Variants in DTNB observed in about 807,000 individuals in gnomAD.
The protein encoded by DTNB is dystrobrevin beta.
DTNB carries 63 observed loss-of-function variants against 90.7 expected under a neutral mutation model. The observed-to-expected ratio is 0.69, with a 90% CI of 0.57 to 0.86. The LOEUF is 0.86. Among genes scored for constraint, DTNB ranks in the 40% least tolerant of loss-of-function variants. DTNB has a pLI of 0.00. For synonymous variants in DTNB, 277 were observed against 286.7 expected, an observed-to-expected ratio of 0.97 and a Z score of 0.34; for missense variants, 744 against 807.1, an observed-to-expected ratio of 0.92 and a Z score of 0.95.
chr2:25,570,403 T>C (rs2059662824), intron 8 of DTNB, among the ~76,000 whole-genome samples: 1 of 80,788 alleles, frequency 1.2e-5, no homozygotes, highest in Non-Finnish European at 2.1e-5. Flanking sequence ...TGGTTTCCTG[T>C]CTCAAAAAAA....
rs568603490 is a variant in DTNB at position 25,476,418 on chromosome 2, T to TATA, written c.1079+6375_1079+6377dup. ...ATGTAAGAAATACATTTTGTAAGAC[T>TATA]ATAGCTGCCATAGATAGAGTGGTTC... On this transcript the variant is annotated intron_variant, in intron 10 of 20. Coordinates refer to ENST00000406818, the MANE Select transcript of DTNB (RefSeq NM_021907.5). 3.7e-3 allele frequency among the ~76,000 whole-genome samples: 567 copies of TATA among 152,358 alleles called. 2 individuals are homozygous for TATA. The highest frequency in any genetic ancestry group is 6.3e-3 in the Non-Finnish European group (428 of 68,040).
At chr2:25,529,039 G>A (rs545377462) in intron 9 of DTNB, among the ~76,000 whole-genome samples, 2 of 152,254 alleles carry the variant, frequency 1.3e-5, no homozygotes, top group East Asian at 1.9e-4. Flanking sequence ...TCAATAAGAT[G>A]AGTCTAAACT....
intron 16 of DTNB, among the ~76,000 whole-genome samples, chr2:25,403,326 G>C (rs1250158774): frequency 2.0e-5 from 3 of 152,312 alleles, no homozygotes; most frequent in Admixed American, 6.5e-5. Context: ...ATGTTGGCCA[G>C]GGTGGTCTCG....
At chr2:25,667,246 T>C (rs1559448417) in intron 1 of DTNB, among the ~76,000 whole-genome samples, 1 of 152,068 alleles carries the variant, frequency 6.6e-6, no homozygotes, top group Non-Finnish European at 1.5e-5. Context: ...CCCAACACTT[T>C]GGGAGGCTGT....
chr2:25,634,536 A>G (rs376667347), intron 3 of DTNB, among the ~76,000 whole-genome samples: 2,257 of 85,800 alleles, frequency 0.026, 2 homozygotes, highest in East Asian at 0.084. Context: ...CTGCCCGGCC[A>G]CCACCCCGTC....
At chr2:25,524,960 C>G (rs533556461) in intron 9 of DTNB, among the ~76,000 whole-genome samples, 1 of 152,164 alleles carries the variant, frequency 6.6e-6, no homozygotes, top group Non-Finnish European at 1.5e-5. Flanking sequence ...TCCTACCTTA[C>G]AGGATTTCTC....
intron 3 of DTNB, among the ~76,000 whole-genome samples, chr2:25,631,386 C>A (rs1187906684): frequency 7.9e-5 from 12 of 151,982 alleles, no homozygotes; most frequent in Non-Finnish European, 1.6e-4. Flanking sequence ...GCCTGGAGAA[C>A]ATAGTGGAAT....
intron 16 of DTNB, among the ~76,000 whole-genome samples, chr2:25,413,650 T>C (rs2047171085): frequency 6.6e-6 from 1 of 152,208 alleles, no homozygotes; most frequent in Admixed American, 6.5e-5. Flanking sequence ...CACATTTTCT[T>C]AATCCAGTCT....
At chr2:25,528,584 A>G (rs897452584) in intron 9 of DTNB, among the ~76,000 whole-genome samples, 11 of 152,252 alleles carry the variant, frequency 7.2e-5, no homozygotes, top group Admixed American at 3.3e-4. Flanking sequence ...CAAGATAACT[A>G]CATAGACAGT....
intron 5 of DTNB, among the ~76,000 whole-genome samples, chr2:25,599,949 T>A (rs561868639): frequency 1.3e-3 from 177 of 141,066 alleles, no homozygotes; most frequent in African/African-American, 4.5e-3. Flanking sequence ...ATAAAAAAAA[T>A]TAGCTAGGCA....
intron 5 of DTNB, chr2:25,598,763 T>TA (rs1194494441): frequency 6.6e-6 from 1 of 151,856 alleles, no homozygotes; most frequent in African/African-American, 2.4e-5. Flanking sequence ...AAGAGTAGGA[T>TA]AAAAGTCTAT....
chr2:25,585,283 CATCTT>C (rs2062179255), intron 6 of DTNB, among the ~76,000 whole-genome samples: 1 of 152,090 alleles, frequency 6.6e-6, no homozygotes, highest in Non-Finnish European at 1.5e-5. Context: ...TTCTATTAAA[CATCTT>C]GTTTTGTACA....
At chr2:25,417,773 A>G (rs777236230) in intron 16 of DTNB, among the ~76,000 whole-genome samples, 4 of 152,236 alleles carry the variant, frequency 2.6e-5, no homozygotes, top group Non-Finnish European at 2.9e-5. Context: ...GGAATACTTC[A>G]TAACAAGGGG....
chr2:25,669,363 AT>A (rs1405499985), intron 1 of DTNB, among the ~76,000 whole-genome samples: 5 of 152,228 alleles, frequency 3.3e-5, no homozygotes, highest in Non-Finnish European at 5.9e-5. Flanking sequence ...TCATTATACC[AT>A]ACATAGAAAT....
chr2:25,643,096 ACAGTACTACC>A (rs1378099203), intron 2 of DTNB, among the ~76,000 whole-genome samples: 2 of 152,090 alleles, frequency 1.3e-5, no homozygotes, highest in Non-Finnish European at 2.9e-5. Context: ...GAAACACAAC[ACAGTACTACC>A]CAGCTCAACT....
intron 9 of DTNB, among the ~76,000 whole-genome samples, chr2:25,530,816 A>C (rs565200457): frequency 2.6e-5 from 4 of 152,324 alleles, no homozygotes; most frequent in African/African-American, 9.6e-5. Context: ...AAATTTATTC[A>C]TCAGGGAAGC....
intron 3 of DTNB, among the ~76,000 whole-genome samples, chr2:25,628,866 G>A (rs1461232031): frequency 3.3e-5 from 5 of 152,134 alleles, no homozygotes; most frequent in African/African-American, 1.2e-4. Flanking sequence ...TGCTTTAGAG[G>A]CTACTCAGAG....
At chr2:25,451,736 G>A in intron 11 of DTNB, 101 bp from the exon 12 acceptor site, 2 of 1,197,320 alleles carry the variant, frequency 1.7e-6, no homozygotes, top group African/African-American at 3.1e-5. Context: ...TAAAAGAATG[G>A]TAATAAAAGA....
intron 12 of DTNB, among the ~76,000 whole-genome samples, chr2:25,436,005 A>C (rs1327628147): frequency 6.6e-6 from 1 of 152,214 alleles, no homozygotes; most frequent in East Asian, 1.9e-4. Context: ...TGTGATTTGC[A>C]TATCCACTGA....
Sources: allele counts gnomAD v4.1 joint callset (sites outside exome capture counted in the v4.1 genomes callset), GRCh38; gene constraint gnomAD v4.1.1; transcripts MANE v1.5; gene names NCBI Gene and HGNC (gene_info 2026-07-23, HGNC 2026-07-21).